Variants in PRKAR1A observed in about 807,000 individuals in gnomAD.
The protein encoded by PRKAR1A is cAMP-dependent protein kinase type I-alpha regulatory subunit.
A neutral mutation model predicts 52.0 loss-of-function variants in PRKAR1A; 3 were observed. The ratio of observed to expected loss-of-function variants is 0.06; its 90% CI spans 0.03 to 0.15. The LOEUF is 0.15. Among genes scored for constraint, PRKAR1A ranks in the 10% least tolerant of loss-of-function variants. The pLI is 1.00. For missense variants in PRKAR1A, 240 were observed against 477.4 expected (o/e 0.50, Z 4.63); for synonymous variants, 188 against 168.4 (o/e 1.12, Z -0.90).
At position 68,545,831 on chromosome 17, in the gene PRKAR1A, A is replaced by G. The variant is rs2086528523; in HGVS notation, c.974-5253A>G. 2.0e-5 allele frequency among the ~76,000 whole-genome samples: 3 copies of G among 152,232 alleles called. No homozygotes were observed. In the South Asian group the frequency reaches 6.2e-4, roughly 32 times the overall value. On this transcript the variant is annotated intron_variant, in intron 11 of 11. Transcript: ENST00000585981. Reference sequence around the variant, plus strand: ...TGTTCACAGCGTCTTCACCAGAAGTAGATTCTATCTCAAGAAACCACTTTC... The same window carrying G: ...TGTTCACAGCGTCTTCACCAGAAGTGGATTCTATCTCAAGAAACCACTTTC...
chr17:68,420,228 T>G, the PRKAR1A span: 3 of 1,614,162 alleles, frequency 1.9e-6, no homozygotes, highest in Non-Finnish European at 2.5e-6. Flanking sequence ...GGGCCTGAGC[T>G]GCAGCATAAG....
At chr17:68,543,966 C>G (rs777353554) in intron 11 of PRKAR1A, among the ~76,000 whole-genome samples, 60 of 152,182 alleles carry the variant, frequency 3.9e-4, no homozygotes, top group Non-Finnish European at 7.9e-4. Context: ...ACCAAGTTTC[C>G]TGCTTAAGAA....
intron 11 of PRKAR1A, chr17:68,540,660 C>T (rs910657998): frequency 2.8e-5 from 21 of 746,156 alleles, no homozygotes; most frequent in African/African-American, 2.8e-4. Context: ...GAGCTTCTTC[C>T]AGTTCTTTGA....
chr17:68,496,545 T>C, the PRKAR1A span, among the ~76,000 whole-genome samples: 1 of 152,228 alleles, frequency 6.6e-6, no homozygotes, highest in African/African-American at 2.4e-5. Context: ...AATTCCCATT[T>C]GCCATGTACT....
chr17:68,520,668 G>C (rs904747400), intron 2 of PRKAR1A, among the ~76,000 whole-genome samples: 1 of 152,166 alleles, frequency 6.6e-6, no homozygotes, highest in Non-Finnish European at 1.5e-5. Flanking sequence ...GAAAACTCAT[G>C]ATCTGAGTAA....
rs902164662 is a variant in PRKAR1A at position 68,512,471 on chromosome 17, G to C, written c.-84G>C. 6.5e-6 allele frequency: 1 copy of C among 153,658 alleles called. No homozygotes were observed. The highest frequency in any genetic ancestry group is 2.4e-5 in the African/African-American group (1 of 41,454). The allele number at this position is 153,658 out of a possible 1,614,324, so 9.5% of individuals were successfully genotyped here. ...CGCTATCGCAGAGTGGAGCGGGGCT[G>C]GGAGCAAAGCGCTGAGGGAGCTCGG... On this transcript the variant is annotated 5_prime_UTR_variant, in exon 1 of 11. Transcript: ENST00000589228.
Position 68,533,366 on chromosome 17 carries a change from A to G in PRKAR1A, c.*2917A>G. On this transcript the variant is annotated 3_prime_UTR_variant, in exon 11 of 11. Transcript: ENST00000589228. ...ATGTGTACCTTTTCTAGATTCAGTAATCCCTTCCCCCCGTCCTCTGGAGTA... is the reference window on the plus strand; with the variant it reads ...ATGTGTACCTTTTCTAGATTCAGTAGTCCCTTCCCCCCGTCCTCTGGAGTA... 2.8e-6 allele frequency: 3 copies of G among 1,062,402 alleles called. No homozygotes were observed. Among genetic ancestry groups the G allele is most frequent in the Non-Finnish European group, 3.4e-6 (3 of 877,356 alleles). 65.8% of individuals were successfully genotyped at this position (1,062,402 alleles called of 1,614,324 possible). A position where few individuals can be genotyped will look rare whatever the true frequency, so the allele number is the denominator to read the frequency against.
At chr17:68,448,677 A>G in the PRKAR1A span, among the ~76,000 whole-genome samples, 6 of 152,232 alleles carry the variant, frequency 3.9e-5, no homozygotes, top group African/African-American at 1.4e-4. Context: ...CGGTCTTTAC[A>G]GATCATTTGC....
chr17:68,425,948 A>G, the PRKAR1A span: 1 of 723,470 alleles, frequency 1.4e-6, no homozygotes, highest in Admixed American at 2.5e-5. Context: ...CTTTCCAAAT[A>G]CTAGAGCAGA....
At chr17:68,542,657 A>G (rs756898585) in intron 11 of PRKAR1A, 2 of 1,523,030 alleles carry the variant, frequency 1.3e-6, no homozygotes, top group Non-Finnish European at 1.8e-6. Context: ...CTTACGATCT[A>G]CTCAGACCCG....
At chr17:68,417,746 T>TA in the PRKAR1A span, among the ~76,000 whole-genome samples, 49 of 115,454 alleles carry the variant, frequency 4.2e-4, 1 homozygote, top group Admixed American at 2.7e-3. Flanking sequence ...TTTTTTTTTT[T>TA]TTTTTTTTTT....
At chr17:68,502,755 G>GAAAAAAA in the PRKAR1A span, among the ~76,000 whole-genome samples, 7 of 86,294 alleles carry the variant, frequency 8.1e-5, no homozygotes, top group Non-Finnish European at 1.6e-4. Flanking sequence ...TTCATCTCAG[G>GAAAAAAA]AAAAAAAAAA....
chr17:68,435,598 G>A, the PRKAR1A span: 4 of 1,611,538 alleles, frequency 2.5e-6, no homozygotes, highest in African/African-American at 4.0e-5. Context: ...CCAGACAGAG[G>A]TGTTGGTGGG....
chr17:68,418,396 G>A, the PRKAR1A span, among the ~76,000 whole-genome samples: 2 of 152,186 alleles, frequency 1.3e-5, no homozygotes, highest in African/African-American at 4.8e-5. Context: ...TCACTGCCCT[G>A]TACTGGCAAT....
chr17:68,435,814 A>T, the PRKAR1A span: 1 of 1,058,202 alleles, frequency 9.4e-7, no homozygotes, highest in Non-Finnish European at 1.4e-6. Flanking sequence ...TCCTTTGTCC[A>T]GCTCCCTGTC....
At chr17:68,486,471 C>CTCCTTCCTTCCT in the PRKAR1A span, among the ~76,000 whole-genome samples, 38 of 97,608 alleles carry the variant, frequency 3.9e-4, 1 homozygote, top group African/African-American at 1.5e-3. Flanking sequence ...CTTTCTTTCT[C>CTCCTTCCTTCCT]TCCTTCCTTC....
chr17:68,414,408 ATATGTT>A, the PRKAR1A span, among the ~76,000 whole-genome samples: 1 of 151,912 alleles, frequency 6.6e-6, no homozygotes, highest in Non-Finnish European at 1.5e-5. Flanking sequence ...TATCTTTTTG[ATATGTT>A]GTTGGATTCA....
intron 11 of PRKAR1A, among the ~76,000 whole-genome samples, chr17:68,547,848 A>T (rs2086639562): frequency 6.6e-6 from 1 of 152,236 alleles, no homozygotes; most frequent in African/African-American, 2.4e-5. Flanking sequence ...TGCATTCACA[A>T]CTTGCCTGAC....
chr17:68,531,958 G>A lies in PRKAR1A; in HGVS notation c.*1509G>A. 9.4e-7 allele frequency: 1 copy of A among 1,066,012 alleles called. No individual in the cohort carries two copies. Among genetic ancestry groups the A allele is most frequent in the East Asian group, 5.0e-5 (1 of 20,064 alleles). The allele number at this position is 1,066,012 out of a possible 1,614,324, so 66.0% of individuals were successfully genotyped here. On this transcript the variant is annotated 3_prime_UTR_variant, in exon 11 of 11. Transcript: ENST00000589228. The stretch of plus-strand genomic sequence containing the variant: ...CATCTGTGTGCAACTAACTGACTCT[G>A]TTATTGATCCCTTCTCCTGCCCTTT...
Sources: gnomAD v4.1 joint callset for allele counts (sites outside exome capture counted in the v4.1 genomes callset) on GRCh38, gnomAD v4.1.1 for gene constraint, MANE v1.5 for transcripts, NCBI Gene and HGNC (gene_info 2026-07-23, HGNC 2026-07-21) for gene names.